Variants in PTPRU observed in about 807,000 individuals in gnomAD.
The protein encoded by PTPRU is receptor-type tyrosine-protein phosphatase U.
Under a neutral mutation model 166.3 loss-of-function variants are expected in PTPRU, and 69 were observed. That is an observed-to-expected ratio of 0.41 (90% confidence interval 0.34 to 0.51). The LOEUF is 0.51. Among genes scored for constraint, PTPRU ranks in the 20% least tolerant of loss-of-function variants. PTPRU has a pLI of 0.09. For missense variants in PTPRU, 1,657 were observed against 2,013.7 expected (o/e 0.82, Z 3.39); for synonymous variants, 793 against 814.0 (o/e 0.97, Z 0.44).
chr1:29,258,509 C>T lies in PTPRU; in HGVS notation c.210C>T (p.Ser70=), dbSNP rs1684871797. The change falls in exon 3 of 30, where the codon TCC becomes TCT. Residue 70 remains serine, a synonymous_variant. Transcript: ENST00000373779. The part of the protein sequence containing the change: ...TRAPADLPHG[S]YLMVNTSQHA... Reference sequence around the variant, plus strand: ...CTCTTCCTCCTCTCTTTCCAGGCTCCTACTTGATGGTCAACACTTCCCAGC... The same window carrying T: ...CTCTTCCTCCTCTCTTTCCAGGCTCTTACTTGATGGTCAACACTTCCCAGC... 1.2e-6 allele frequency: 2 copies of T among 1,613,362 alleles called. No homozygotes were observed. Among genetic ancestry groups the T allele is most frequent in the Admixed American group, 3.3e-5 (2 of 59,940 alleles).
intron 18 of PTPRU, among the ~76,000 whole-genome samples, chr1:29,310,463 TG>T (rs533036141): frequency 6.6e-6 from 1 of 151,902 alleles, no homozygotes; most frequent in African/African-American, 2.4e-5. Flanking sequence ...ACTTTATGGG[TG>T]GGGGGTCCCT....
Position 29,315,295 on chromosome 1 carries a change from C to G in PTPRU, c.3228-77C>G. The G allele has an allele frequency of 5.7e-4, 856 of 1,508,018 alleles. No homozygotes were observed. The highest frequency in any genetic ancestry group is 7.3e-4 in the Non-Finnish European group (791 of 1,090,560). 93.4% of individuals were successfully genotyped at this position (1,508,018 alleles called of 1,614,324 possible). A position where few individuals can be genotyped will look rare whatever the true frequency, so the allele number is the denominator to read the frequency against. On this transcript the variant is annotated intron_variant, in intron 22 of 29. Transcript: ENST00000373779. This position sits in a 1 kb window ranked among gnomAD's most constrained non-coding sequence, Gnocchi z 4.5. ...CTGTATGGTGTAGACATGGCCAGTG[C>G]CCTCCTCTCTTCTTCTCCTTAGTCC... is the stretch of plus-strand genomic sequence containing the variant.
At position 29,311,615 on chromosome 1, in the gene PTPRU, A is replaced by T; in HGVS notation, c.2956-28A>T. On this transcript the variant is annotated intron_variant, in intron 20 of 29. Coordinates refer to ENST00000373779, the MANE Select transcript of PTPRU (RefSeq NM_133178.4). The surrounding 1 kb of genome is among the most constrained non-coding windows in gnomAD (Gnocchi z 4.1). Reference sequence around the variant, plus strand: ...AGGCCAAGGGGGCAGCAAAGAGCCCACTGAGTCCCGTCCTGTGGGGCCTCT... The same window carrying T: ...AGGCCAAGGGGGCAGCAAAGAGCCCTCTGAGTCCCGTCCTGTGGGGCCTCT... 6.2e-7 allele frequency: 1 copy of T among 1,613,962 alleles called. No homozygotes were observed. The highest frequency in any genetic ancestry group is 8.5e-7 in the Non-Finnish European group (1 of 1,179,822).
intron 25 of PTPRU, among the ~76,000 whole-genome samples, chr1:29,318,169 G>T (rs1190388437): frequency 2.0e-5 from 3 of 152,178 alleles, no homozygotes; most frequent in African/African-American, 7.2e-5. Context: ...TCCAAGATTA[G>T]GCCCAGCAGA....
At chr1:29,312,806 T>A in intron 22 of PTPRU, 100 bp downstream of exon 22, 1 of 1,398,292 alleles carries the variant, frequency 7.2e-7, no homozygotes, top group Non-Finnish European at 9.5e-7. Flanking sequence ...GGACCAGGCC[T>A]GGGTTCTCCT....
At chr1:29,321,098 A>C (rs919804917) in intron 26 of PTPRU, among the ~76,000 whole-genome samples, 2 of 151,578 alleles carry the variant, frequency 1.3e-5, no homozygotes, top group Non-Finnish European at 1.5e-5. Flanking sequence ...ATCACAGCTC[A>C]CTAAGTTGTG....
chr1:29,324,691 G>A (rs1456215335), intron 28 of PTPRU, among the ~76,000 whole-genome samples: 1 of 152,144 alleles, frequency 6.6e-6, no homozygotes. Context: ...CTCAGAATCC[G>A]CAGTCTGTTT....
intron 12 of PTPRU, 71 bp downstream of exon 12, chr1:29,283,020 A>G: frequency 6.4e-7 from 1 of 1,570,002 alleles, no homozygotes; most frequent in Non-Finnish European, 8.6e-7. Flanking sequence ...GATACCTTGG[A>G]GCAGGCCCAG....
intron 15 of PTPRU, among the ~76,000 whole-genome samples, chr1:29,293,675 C>G (rs969037424): frequency 1.3e-5 from 2 of 151,578 alleles, no homozygotes; most frequent in African/African-American, 2.4e-5. Context: ...GGGATTTCAC[C>G]GTGTTAGCCA....
chr1:29,307,971 G>A (rs1216557949), intron 18 of PTPRU, among the ~76,000 whole-genome samples: 1 of 151,736 alleles, frequency 6.6e-6, no homozygotes, highest in East Asian at 1.9e-4. Context: ...ATGTTAGGCT[G>A]GTCTCAAACT....
intron 15 of PTPRU, among the ~76,000 whole-genome samples, chr1:29,300,804 A>C (rs1574691034): frequency 6.6e-6 from 1 of 152,204 alleles, no homozygotes; most frequent in East Asian, 1.9e-4. Context: ...ACCCAAGCAC[A>C]ATGGGGCAGC....
Position 29,325,290 on chromosome 1 carries a change from C to A in PTPRU, c.4212C>A (p.Thr1404=). ...NLVDVFFAAK[T]LRNYKPNMVE... Reference sequence around the variant, plus strand: ...TGGACGTTTTCTTTGCTGCCAAAACCCTCCGGAACTACAAACCCAACATGG... The same window carrying A: ...TGGACGTTTTCTTTGCTGCCAAAACACTCCGGAACTACAAACCCAACATGG... Residue 1404 remains threonine, a synonymous_variant, in exon 29 of 30, where the codon ACC becomes ACA. Transcript: ENST00000373779. 2.5e-6 allele frequency: 4 copies of A among 1,614,162 alleles called. No homozygotes were observed. The highest frequency in any genetic ancestry group is 3.4e-6 in the Non-Finnish European group (4 of 1,179,994).
At chr1:29,254,613 C>T (rs966188931) in intron 1 of PTPRU, among the ~76,000 whole-genome samples, 1 of 152,212 alleles carries the variant, frequency 6.6e-6, no homozygotes, top group Non-Finnish European at 1.5e-5. Context: ...ACTCAGAACG[C>T]GTGGCCTGAA....
intron 18 of PTPRU, 114 bp downstream of exon 18, chr1:29,305,542 G>C (rs1297637673): frequency 1.9e-6 from 2 of 1,078,990 alleles, no homozygotes; most frequent in African/African-American, 3.1e-5. Context: ...GCTGAGTTCG[G>C]AGTGCCCCTA....
rs924058105 is a variant in PTPRU, at chr1:29,265,554, G to A, written c.1144+4651G>A. ...ATTTTTGTATTTTTAGGACAGATGG[G>A]GTTTCAGCATGTTGGCCAGGCTGGT... On this transcript the variant is annotated intron_variant, in intron 7 of 29. Coordinates refer to ENST00000373779, the MANE Select transcript of PTPRU (RefSeq NM_133178.4). Among the ~76,000 whole-genome samples the A allele has an allele frequency of 2.0e-5, 3 of 151,982 alleles. No homozygotes were observed. In the East Asian group the frequency reaches 5.8e-4, roughly 29 times the overall value.
chr1:29,304,079 C>T, intron 16 of PTPRU, 34 bp downstream of exon 16: 1 of 1,583,070 alleles, frequency 6.3e-7, no homozygotes, highest in South Asian at 1.1e-5. Context: ...AGGATCCCTG[C>T]AGAGGCCTCA....
chr1:29,297,039 C>T (rs938971938), intron 15 of PTPRU, among the ~76,000 whole-genome samples: 2 of 148,226 alleles, frequency 1.3e-5, no homozygotes, highest in South Asian at 2.1e-4. Context: ...CCATTTTACC[C>T]TGCTTAGTAG....
intron 1 of PTPRU, among the ~76,000 whole-genome samples, chr1:29,239,046 G>C (rs942044399): frequency 6.6e-6 from 1 of 152,212 alleles, no homozygotes; most frequent in Non-Finnish European, 1.5e-5. Flanking sequence ...CAAAGCCCCA[G>C]ACAGAGGCTG....
In PTPRU at chr1:29,311,735, C is replaced by T. The variant is rs749070547; in HGVS notation, c.3048C>T (p.Val1016=). The T allele has an allele frequency of 1.7e-5, 27 of 1,614,040 alleles. No homozygotes were observed. The highest frequency in any genetic ancestry group is 6.7e-5 in the Admixed American group (4 of 60,008). Residue 1016 remains valine, a synonymous_variant, in exon 21 of 30, where the codon GTC becomes GTT. Transcript: ENST00000373779. This position sits in a 1 kb window ranked among gnomAD's most constrained non-coding sequence, Gnocchi z 4.1. ...AGACAGAGACCCTGGCTGAGTATGT[C>T]GTGCGCACTTTTGCCCTGGAGCGGG... ...LVKTETLAEY[V]VRTFALERRG...
Sources: allele counts gnomAD v4.1 joint callset (sites outside exome capture counted in the v4.1 genomes callset), GRCh38; gene constraint gnomAD v4.1.1; non-coding constraint Gnocchi (gnomAD v3.1); transcripts MANE v1.5; gene names NCBI Gene and HGNC (gene_info 2026-07-23, HGNC 2026-07-21).